The following NLGN1 variants were observed in gnomAD, a reference collection of about 807,000 sequenced individuals.
NLGN1 encodes the protein neuroligin-1.
Under a neutral mutation model 65.5 loss-of-function variants are expected in NLGN1, and 12 were observed. The ratio of observed to expected loss-of-function variants is 0.18; its 90% confidence interval spans 0.12 to 0.30. The LOEUF is 0.30. Ranked by LOEUF, NLGN1 falls within the 10% of genes least tolerant of loss-of-function variation. The probability of loss-of-function intolerance (pLI) is 1.00; values close to 1 mark genes in which losing one functional copy is unlikely to be tolerated. For synonymous variants in NLGN1, 350 were observed against 359.5 expected, an observed-to-expected ratio of 0.97 and a Z score of 0.30; for missense variants, 750 against 1,007.1, an observed-to-expected ratio of 0.74 and a Z score of 3.46.
Position 174,129,969 on chromosome 3 carries a change from G to A in NLGN1, c.647-145346G>A, listed in dbSNP as rs1719812484. 2.0e-5 allele frequency among the ~76,000 whole-genome samples: 3 copies of A among 152,280 alleles called. 1 individual carries two copies. In the South Asian group the frequency reaches 6.2e-4, roughly 32 times the overall value. ...ATCCAAACTTCTCTTGTAACCATTA[G>A]GATCTGTAAGAGCCTGTCTGTTGCT... On this transcript the variant is annotated intron_variant, in intron 4 of 6. Transcript: ENST00000457714.
At position 174,019,829 on chromosome 3, in the gene NLGN1, C is replaced by T. The variant is rs531485667; in HGVS notation, c.646+211997C>T. 4.7e-4 allele frequency among the ~76,000 whole-genome samples: 72 copies of T among 152,156 alleles called. 1 individual carries two copies. Among genetic ancestry groups the T allele is most frequent in the African/African-American group, 1.6e-3 (67 of 41,522 alleles). ...CACTAGAACAAATGATTGACTGTAA[C>T]TGAAATAGTAATATATAAATAGCAA... On this transcript the variant is annotated intron_variant, in intron 4 of 6. Coordinates refer to ENST00000457714, the Ensembl canonical transcript of NLGN1.
chr3:174,093,130 T>A (rs1744845855), intron 4 of NLGN1, among the ~76,000 whole-genome samples: 1 of 152,162 alleles, frequency 6.6e-6, no homozygotes. Flanking sequence ...ACATCAGGGA[T>A]CTAAAGGAAT....
chr3:173,428,777 CT>C (rs1294428611), intron 1 of NLGN1, among the ~76,000 whole-genome samples: 18 of 150,982 alleles, frequency 1.2e-4, no homozygotes, highest in Admixed American at 4.6e-4. Flanking sequence ...CATTAACATT[CT>C]TTTTTTTTCA....
chr3:173,606,999 A>T (rs924865172), intron 3 of NLGN1, among the ~76,000 whole-genome samples: 1 of 151,994 alleles, frequency 6.6e-6, no homozygotes, highest in East Asian at 1.9e-4. Context: ...TATTACAAAG[A>T]TGTTGATTCA....
At chr3:174,063,326 GC>G (rs1314778764) in intron 4 of NLGN1, among the ~76,000 whole-genome samples, 1 of 152,080 alleles carries the variant, frequency 6.6e-6, no homozygotes, top group African/African-American at 2.4e-5. Flanking sequence ...GTTCATCACT[GC>G]AGACCTGTTT....
intron 4 of NLGN1, among the ~76,000 whole-genome samples, chr3:173,937,075 C>T (rs1025374191): frequency 2.0e-5 from 3 of 151,986 alleles, no homozygotes; most frequent in Non-Finnish European, 2.9e-5. Flanking sequence ...TTTCCTTCTT[C>T]CATCCCCCTC....
At chr3:173,934,768 A>T (rs1744749180) in intron 4 of NLGN1, among the ~76,000 whole-genome samples, 1 of 152,052 alleles carries the variant, frequency 6.6e-6, no homozygotes, top group Non-Finnish European at 1.5e-5. Flanking sequence ...TTAGGTAAGA[A>T]TTAAATCACA....
chr3:174,083,762 A>G (rs1742715309), intron 4 of NLGN1, among the ~76,000 whole-genome samples: 1 of 152,154 alleles, frequency 6.6e-6, no homozygotes, highest in African/African-American at 2.4e-5. Context: ...CTAATATAGA[A>G]ATTTTTTTCC....
intron 4 of NLGN1, among the ~76,000 whole-genome samples, chr3:174,141,166 A>G (rs572912403): frequency 6.6e-6 from 1 of 152,116 alleles, no homozygotes; most frequent in Non-Finnish European, 1.5e-5. Context: ...AATAGTTTTT[A>G]CACTGTTTTA....
At chr3:174,268,793 C>A (rs960952664) in intron 4 of NLGN1, among the ~76,000 whole-genome samples, 2 of 151,932 alleles carry the variant, frequency 1.3e-5, no homozygotes, top group Non-Finnish European at 2.9e-5. Flanking sequence ...GTCCAGCTGT[C>A]GGTAATCAGA....
intron 2 of NLGN1, among the ~76,000 whole-genome samples, chr3:173,507,248 G>A (rs1342724798): frequency 6.6e-6 from 1 of 152,052 alleles, no homozygotes; most frequent in Non-Finnish European, 1.5e-5. Flanking sequence ...TTGAATGGAA[G>A]GAGGAACCAA....
intron 4 of NLGN1, among the ~76,000 whole-genome samples, chr3:174,226,995 T>TTG (rs1577453969): frequency 6.6e-6 from 1 of 152,206 alleles, no homozygotes; most frequent in East Asian, 1.9e-4. Context: ...CATACGATTG[T>TTG]TGACTTTTAG....
chr3:174,265,337 G>T (rs991152085), intron 4 of NLGN1, among the ~76,000 whole-genome samples: 9 of 152,026 alleles, frequency 5.9e-5, no homozygotes, highest in Admixed American at 3.3e-4. Context: ...GTGAGACTCC[G>T]TGGGCGTAGG....
At chr3:174,104,523 A>G (rs989838494) in intron 4 of NLGN1, among the ~76,000 whole-genome samples, 8 of 152,178 alleles carry the variant, frequency 5.3e-5, no homozygotes, top group African/African-American at 1.7e-4. Flanking sequence ...AGTATCTTAT[A>G]ATACTTGTTT....
chr3:173,624,077 G>C (rs575991111), intron 3 of NLGN1, among the ~76,000 whole-genome samples: 48 of 152,226 alleles, frequency 3.2e-4, no homozygotes, highest in Middle Eastern at 3.4e-3. Flanking sequence ...CAGGTCAGCT[G>C]TTGATAGAGT....
chr3:173,683,613 AT>A (rs1380725827), intron 3 of NLGN1, among the ~76,000 whole-genome samples: 20 of 152,134 alleles, frequency 1.3e-4, no homozygotes, highest in African/African-American at 4.8e-4. Context: ...TAATTACTTA[AT>A]TTCAAGTTAA....
chr3:173,823,136 A>G (rs1266674156), intron 4 of NLGN1, among the ~76,000 whole-genome samples: 1 of 152,032 alleles, frequency 6.6e-6, no homozygotes, highest in Non-Finnish European at 1.5e-5. Flanking sequence ...TATATATACA[A>G]CTTCTATAGA....
intron 3 of NLGN1, among the ~76,000 whole-genome samples, chr3:173,653,502 G>T (rs1030072702): frequency 6.6e-6 from 1 of 152,084 alleles, no homozygotes; most frequent in Non-Finnish European, 1.5e-5. Flanking sequence ...ATGATCATAT[G>T]CTTTCTGTCC....
intron 4 of NLGN1, among the ~76,000 whole-genome samples, chr3:174,037,488 G>C (rs111546854): frequency 1.3e-5 from 2 of 152,128 alleles, no homozygotes; most frequent in Admixed American, 6.6e-5. Flanking sequence ...ACACGATGTC[G>C]ATGAAAGCAC....
Sources: allele counts gnomAD v4.1 joint callset (sites outside exome capture counted in the v4.1 genomes callset), GRCh38; gene constraint gnomAD v4.1.1; transcripts MANE v1.5; gene names NCBI Gene and HGNC (gene_info 2026-07-23, HGNC 2026-07-21).